Variants in PTPRT observed in about 807,000 individuals in gnomAD.
PTPRT encodes protein tyrosine phosphatase receptor type T.
In PTPRT, 56 loss-of-function variants were observed where a neutral mutation model predicts 176.8. That is an observed-to-expected ratio of 0.32 (90% CI 0.26 to 0.40). The LOEUF is 0.40. Among genes scored for constraint, PTPRT ranks in the 10% least tolerant of loss-of-function variants. The probability of loss-of-function intolerance (pLI) is 1.00; values close to 1 mark genes in which losing one functional copy is unlikely to be tolerated. For missense variants in PTPRT, 1,540 were observed against 1,908.2 expected, an observed-to-expected ratio of 0.81 and a Z score of 3.60; for synonymous variants, 783 against 739.0, an observed-to-expected ratio of 1.06 and a Z score of -0.96.
At chr20:42,533,219 T>C (rs554345326) in intron 7 of PTPRT, among the ~76,000 whole-genome samples, 2 of 152,326 alleles carry the variant, frequency 1.3e-5, no homozygotes, top group South Asian at 4.1e-4. Context: ...TACTGGCCTA[T>C]TCACCAGCCT....
At position 42,632,616 on chromosome 20, in the gene PTPRT, T is replaced by C. The variant is rs2074436482; in HGVS notation, c.1153+45250A>G. On this transcript the variant is annotated intron_variant, in intron 7 of 30. Coordinates refer to ENST00000373187, the MANE Select transcript of PTPRT (RefSeq NM_007050.6). ...ATTTACTATGTTTACTAATTTTTAC[T>C]GTATTACTAATTTTATATATTATAC... 2.0e-5 allele frequency among the ~76,000 whole-genome samples: 3 copies of C among 150,840 alleles called. No individual in the cohort carries two copies. In the South Asian group the frequency reaches 6.2e-4, roughly 31 times the overall value.
chr20:42,308,316 A>C (rs2145341410), intron 12 of PTPRT, among the ~76,000 whole-genome samples: 1 of 152,076 alleles, frequency 6.6e-6, no homozygotes, highest in South Asian at 2.1e-4. Flanking sequence ...CTGGATCCGG[A>C]CCCCTTTCCA....
chr20:42,791,985 C>T (rs2077382837), intron 2 of PTPRT, among the ~76,000 whole-genome samples: 1 of 152,186 alleles, frequency 6.6e-6, no homozygotes, highest in South Asian at 2.1e-4. Flanking sequence ...TTGTTTTGGT[C>T]AATAGGATGC....
At chr20:42,427,954 T>G (rs1268379325) in intron 9 of PTPRT, among the ~76,000 whole-genome samples, 1 of 152,178 alleles carries the variant, frequency 6.6e-6, no homozygotes, top group Non-Finnish European at 1.5e-5. Flanking sequence ...TTCCATTACC[T>G]TCCCAAATCC....
At chr20:42,315,638 C>T in intron 12 of PTPRT, 85 bp downstream of exon 12, 2 of 1,480,208 alleles carry the variant, frequency 1.4e-6, no homozygotes, top group South Asian at 1.3e-5. Flanking sequence ...TTTTCATCCT[C>T]TGCTCTAGAG....
rs899631905 is a variant in PTPRT, at chr20:42,144,416, G to C, written c.2683-2414C>G. On this transcript the variant is annotated intron_variant, in intron 17 of 30. Transcript: ENST00000373187. ...TAGACATCCAAGCTGATGTTGAATA[G>C]GAAGTTGGACATGGACACCCAGAGC... is the stretch of plus-strand genomic sequence containing the variant. Among the ~76,000 whole-genome samples, 10 of 152,150 alleles carry C rather than the reference G, an allele frequency of 6.6e-5. 1 individual carries two copies. Among genetic ancestry groups the C allele is most frequent in the South Asian group, 4.2e-4 (2 of 4,816 alleles).
intron 1 of PTPRT, among the ~76,000 whole-genome samples, chr20:43,058,021 T>G (rs1429279117): frequency 6.6e-6 from 1 of 152,070 alleles, no homozygotes; most frequent in Admixed American, 6.6e-5. Flanking sequence ...AGGAAGGAAG[T>G]ATCACTCACG....
intron 1 of PTPRT, among the ~76,000 whole-genome samples, chr20:42,968,036 G>T (rs994005654): frequency 6.6e-6 from 1 of 151,984 alleles, no homozygotes; most frequent in African/African-American, 2.4e-5. Context: ...CCTCTCCCCT[G>T]GCCAGAAGTG....
intron 2 of PTPRT, among the ~76,000 whole-genome samples, chr20:42,850,996 C>T (rs941564250): frequency 1.3e-5 from 2 of 152,172 alleles, no homozygotes; most frequent in African/African-American, 2.4e-5. Flanking sequence ...TGGCTCGTTG[C>T]TAAGTCAAAC....
chr20:42,127,963 T>A (rs1277744328), intron 19 of PTPRT, among the ~76,000 whole-genome samples: 3 of 152,204 alleles, frequency 2.0e-5, no homozygotes, highest in African/African-American at 4.8e-5. Flanking sequence ...TGATAAAAAA[T>A]TTTTAATAGC....
chr20:43,085,587 G>T (rs2011581723), intron 1 of PTPRT, among the ~76,000 whole-genome samples: 2 of 152,172 alleles, frequency 1.3e-5, no homozygotes, highest in African/African-American at 4.8e-5. Context: ...GGCAGAAGGT[G>T]AATGAGGAGC....
chr20:42,815,817 A>T (rs1397092688), intron 2 of PTPRT, among the ~76,000 whole-genome samples: 2 of 152,206 alleles, frequency 1.3e-5, no homozygotes, highest in Non-Finnish European at 2.9e-5. Flanking sequence ...AATTTTTAAG[A>T]GTGATCTTTA....
chr20:42,902,332 A>G (rs2079416850), intron 1 of PTPRT, among the ~76,000 whole-genome samples: 1 of 152,172 alleles, frequency 6.6e-6, no homozygotes, highest in Non-Finnish European at 1.5e-5. Flanking sequence ...CAAGGTCAGT[A>G]GAGTCACATG....
intron 27 of PTPRT, among the ~76,000 whole-genome samples, chr20:42,088,268 C>T (rs1295052793): frequency 6.6e-6 from 1 of 152,164 alleles, no homozygotes; most frequent in Non-Finnish European, 1.5e-5. Context: ...GATTGAGTCT[C>T]TCCTCAGCGG....
At chr20:43,063,689 T>C (rs959855044) in intron 1 of PTPRT, 16 of 152,272 alleles carry the variant, frequency 1.1e-4, no homozygotes, top group Admixed American at 3.9e-4. Flanking sequence ...TCTGGCTTCA[T>C]AGTGAGTGCT....
At chr20:43,096,669 A>G (rs1031899571) in intron 1 of PTPRT, among the ~76,000 whole-genome samples, 7 of 152,230 alleles carry the variant, frequency 4.6e-5, no homozygotes, top group African/African-American at 1.7e-4. Context: ...TTCCAGATCC[A>G]GATGCACTGA....
intron 1 of PTPRT, among the ~76,000 whole-genome samples, chr20:43,159,371 C>G (rs2014621173): frequency 6.6e-6 from 1 of 152,234 alleles, no homozygotes; most frequent in Admixed American, 6.5e-5. Flanking sequence ...AGGGCACACA[C>G]TGGCACCTGC....
At chr20:42,732,389 T>C (rs545467489) in intron 6 of PTPRT, among the ~76,000 whole-genome samples, 4 of 152,338 alleles carry the variant, frequency 2.6e-5, no homozygotes, top group South Asian at 2.1e-4. Context: ...TGCCTGGGTA[T>C]ATACTACTCA....
intron 1 of PTPRT, among the ~76,000 whole-genome samples, chr20:43,165,746 T>G: frequency 6.6e-6 from 1 of 152,106 alleles, no homozygotes; most frequent in East Asian, 1.9e-4. Context: ...ATGGGAGAGA[T>G]ATGGTCTGAC....
Sources: allele counts gnomAD v4.1 joint callset (sites outside exome capture counted in the v4.1 genomes callset), GRCh38; gene constraint gnomAD v4.1.1; transcripts MANE v1.5; gene names NCBI Gene and HGNC (gene_info 2026-07-23, HGNC 2026-07-21).